Variants in ACTRT2 observed in about 807,000 individuals in gnomAD.
ACTRT2 encodes the protein actin related protein T2.
Under a neutral mutation model 1.2 loss-of-function variants are expected in ACTRT2, and 1 was observed. The observed-to-expected ratio is 0.80, with a 90% confidence interval of 0.29 to 3.81. The LOEUF (loss-of-function observed/expected upper bound fraction) is 3.81, where lower values mean the gene tolerates loss of function less well. Ranked by LOEUF, ACTRT2 falls within the 30% of genes most tolerant of loss-of-function variation. The pLI, the probability that ACTRT2 is intolerant of heterozygous loss-of-function variation, is 0.18. For synonymous variants in ACTRT2, 262 were observed against 228.9 expected, an observed-to-expected ratio of 1.14 and a Z score of -1.30; for missense variants, 488 against 497.9, an observed-to-expected ratio of 0.98 and a Z score of 0.19.
In ACTRT2 at chr1:3,021,615, C is replaced by T. The variant is rs1218305982; in HGVS notation, c.-72C>T. The T allele has an allele frequency of 2.6e-6, 4 of 1,540,578 alleles. No homozygotes were observed. The East Asian group carries it at 6.8e-5, about 26-fold the overall frequency. ...GCTGTGGGAAGAGCTGTGGGATCCCCTATTGCATCACAAAGCGGCCCTGGA... is the reference window on the plus strand; with the variant it reads ...GCTGTGGGAAGAGCTGTGGGATCCCTTATTGCATCACAAAGCGGCCCTGGA... On this transcript the variant is annotated 5_prime_UTR_variant, in exon 1 of 1. Transcript: ENST00000378404.
In ACTRT2 at chr1:3,021,748, G is replaced by C; in HGVS notation, c.62G>C (p.Cys21Ser). ...ATTTTTGACAATGGCTCGGGGTTCT[G>C]CAAAGCGGGCCTGTCTGGGGAGTTT... ...AVIFDNGSGFCKAGLSGEFGP... is the reference protein window; with the variant it reads ...AVIFDNGSGFSKAGLSGEFGP... Residue 21 changes from cysteine (C) to serine (S), a missense_variant, in exon 1 of 1, where the codon TGC (cysteine) becomes TCC (serine). Coordinates refer to ENST00000378404, the MANE Select transcript of ACTRT2 (RefSeq NM_080431.5). 2 of 1,613,836 alleles carry C rather than the reference G, an allele frequency of 1.2e-6. No homozygotes were observed. Among genetic ancestry groups the C allele is most frequent in the South Asian group, 1.1e-5 (1 of 91,086 alleles).
At position 3,021,686 on chromosome 1, in the gene ACTRT2, C is replaced by A. The variant is rs763314084; in HGVS notation, c.-1C>A. ...GAGGCTGAGAAGGGAAGGCTGCGGG[C>A]ATGTTTAATCCGCACGCTTTAGACT... On this transcript the variant is annotated 5_prime_UTR_variant, in exon 1 of 1. Coordinates refer to ENST00000378404, the MANE Select transcript of ACTRT2 (RefSeq NM_080431.5). 3.1e-6 allele frequency: 5 copies of A among 1,607,614 alleles called. No homozygotes were observed. Among genetic ancestry groups the A allele is most frequent in the Non-Finnish European group, 4.3e-6 (5 of 1,176,264 alleles).
chr1:3,022,697 G>C lies in ACTRT2; in HGVS notation c.1011G>C (p.Arg337=). ...TCAAGATCACGGCTCCCCCCGACCG[G>C]TGGTTCTCCACCTGGATTGGAGCCT... ...TPIKITAPPD[R]WFSTWIGASI... is the part of the protein sequence containing the mutation. Residue 337 remains arginine (R), a synonymous_variant, in exon 1 of 1, where the codon CGG becomes CGC. Transcript: ENST00000378404. The surrounding 1 kb of genome is among the most constrained non-coding windows in gnomAD (Gnocchi z 7.7). 2 of 1,613,416 alleles carry C rather than the reference G, an allele frequency of 1.2e-6. No individual in the cohort carries two copies. Among genetic ancestry groups the C allele is most frequent in the East Asian group, 2.2e-5 (1 of 44,840 alleles).
In ACTRT2 at chr1:3,022,346, G is replaced by A; in HGVS notation, c.660G>A (p.Leu220=). Residue 220 remains leucine (L), a synonymous_variant, in exon 1 of 1, where the codon CTG becomes CTA. Transcript: ENST00000378404. The surrounding 1 kb of genome is among the most constrained non-coding windows in gnomAD (Gnocchi z 7.7). ...KGLVDDIKKK[L]CYVALEPEKE... ...TCGTGGACGACATCAAAAAGAAGCT[G>A]TGCTACGTGGCCTTGGAGCCCGAGA... is the stretch of plus-strand genomic sequence containing the variant. 6.2e-7 allele frequency: 1 copy of A among 1,612,936 alleles called. No individual in the cohort carries two copies. The highest frequency in any genetic ancestry group is 8.5e-7 in the Non-Finnish European group (1 of 1,180,032).
chr1:3,021,729 G>T lies in ACTRT2; in HGVS notation c.43G>T (p.Asp15Tyr), dbSNP rs778981094. Residue 15 changes from aspartate to tyrosine, a missense_variant, in exon 1 of 1, where the codon GAC (aspartate) becomes TAC (tyrosine). Transcript: ENST00000378404. ...HALDSPAVIF[D>Y]NGSGFCKAGL... is the part of the protein sequence containing the mutation. ...TTTAGACTCCCCGGCTGTGATTTTT[G>T]ACAATGGCTCGGGGTTCTGCAAAGC... 2.3e-5 allele frequency: 37 copies of T among 1,613,702 alleles called. 1 individual carries two copies. Among genetic ancestry groups the T allele is most frequent in the African/African-American group, 2.7e-5 (2 of 74,886 alleles).
chr1:3,021,822 G>C lies in ACTRT2; in HGVS notation c.136G>C (p.Ala46Pro), dbSNP rs1641077655. 1.2e-6 allele frequency: 2 copies of C among 1,612,900 alleles called. No individual in the cohort carries two copies. Among genetic ancestry groups the C allele is most frequent in the Non-Finnish European group, 1.7e-6 (2 of 1,179,842 alleles). ...SSIVGHLKFQ[A>P]PSAEANQKKY... is the part of the protein sequence containing the mutation. ...CATCGTGGGGCACCTGAAATTCCAG[G>C]CTCCCTCAGCAGAGGCCAACCAGAA... Residue 46 changes from alanine (A) to proline (P), a missense_variant, in exon 1 of 1, where the codon GCT becomes CCT. Transcript: ENST00000378404.
rs753043803 is a variant in ACTRT2 at position 3,022,699 on chromosome 1, G to T, written c.1013G>T (p.Trp338Leu). Reference protein sequence around the residue: ...PIKITAPPDRWFSTWIGASIV... With the variant: ...PIKITAPPDRLFSTWIGASIV... ...AAGATCACGGCTCCCCCCGACCGGT[G>T]GTTCTCCACCTGGATTGGAGCCTCC... The change falls in exon 1 of 1, where the codon TGG becomes TTG. Residue 338 changes from tryptophan (W) to leucine (L), a missense_variant. Transcript: ENST00000378404. This position sits in a 1 kb window ranked among gnomAD's most constrained non-coding sequence, Gnocchi z 7.7. 1.9e-6 allele frequency: 3 copies of T among 1,613,382 alleles called. No individual in the cohort carries two copies. Among genetic ancestry groups the T allele is most frequent in the Non-Finnish European group, 2.5e-6 (3 of 1,180,022 alleles).
At position 3,021,585 on chromosome 1, in the gene ACTRT2, C is replaced by T. The variant is rs896936938; in HGVS notation, c.-102C>T. On this transcript the variant is annotated 5_prime_UTR_variant, in exon 1 of 1. Transcript: ENST00000378404. ...GTGCTAGCCCTGCCTTGAGACACCC[C>T]GAGAGCTGTGGGAAGAGCTGTGGGA... The T allele has an allele frequency of 2.7e-6, 4 of 1,477,836 alleles. No homozygotes were observed. The highest frequency in any genetic ancestry group is 2.1e-5 in the Admixed American group (1 of 47,164). The allele number at this position is 1,477,836 out of a possible 1,614,324, so 91.5% of individuals were successfully genotyped here. A position where few individuals can be genotyped will look rare whatever the true frequency, so the allele number is the denominator to read the frequency against.
At position 3,022,442 on chromosome 1, in the gene ACTRT2, C is replaced by G. The variant is rs201701417; in HGVS notation, c.756C>G (p.Leu252=). ...TGCCCGACGGGAACATCATCAGCCT[C>G]GGGGACCCGCTGCACCAGGCGCCCG... ...YKLPDGNIIS[L]GDPLHQAPEA... The change falls in exon 1 of 1, where the codon CTC becomes CTG. Residue 252 remains leucine, a synonymous_variant. Transcript: ENST00000378404. The surrounding 1 kb of genome is among the most constrained non-coding windows in gnomAD (Gnocchi z 7.7). The G allele has an allele frequency of 1.2e-6, 2 of 1,612,768 alleles. No individual in the cohort carries two copies. Among genetic ancestry groups the G allele is most frequent in the Non-Finnish European group, 1.7e-6 (2 of 1,180,032 alleles).
rs768291220 is a variant in ACTRT2 at position 3,022,089 on chromosome 1, G to T, written c.403G>T (p.Ala135Ser). Residue 135 changes from alanine to serine, a missense_variant, in exon 1 of 1, where the codon GCT (alanine) becomes TCT (serine). Transcript: ENST00000378404. The surrounding 1 kb of genome is among the most constrained non-coding windows in gnomAD (Gnocchi z 7.7). Reference sequence around the variant, plus strand: ...CATGTTCGAGAACTTCGGCGTGCCCGCTTTCTACCTGTCGGACCAGGCGGT... The same window carrying T: ...CATGTTCGAGAACTTCGGCGTGCCCTCTTTCTACCTGTCGGACCAGGCGGT... Reference protein sequence around the residue: ...EVMFENFGVPAFYLSDQAVLA... With the variant: ...EVMFENFGVPSFYLSDQAVLA... 2.4e-5 allele frequency: 39 copies of T among 1,613,306 alleles called. No homozygotes were observed. Among genetic ancestry groups the T allele is most frequent in the Non-Finnish European group, 2.5e-5 (29 of 1,180,034 alleles).
Position 3,022,117 on chromosome 1 carries a change from T to C in ACTRT2, c.431T>C (p.Leu144Pro), listed in dbSNP as rs758215506. ...PAFYLSDQAV[L>P]ALYASACVTG... ...TTCTACCTGTCGGACCAGGCGGTGCTGGCTCTCTACGCCTCTGCCTGTGTC... is the reference window on the plus strand; with the variant it reads ...TTCTACCTGTCGGACCAGGCGGTGCCGGCTCTCTACGCCTCTGCCTGTGTC... Residue 144 changes from leucine (L) to proline (P), a missense_variant, in exon 1 of 1, where the codon CTG (leucine) becomes CCG (proline). By Grantham distance (98) the Leu-to-Pro change is moderately conservative. Transcript: ENST00000378404. The surrounding 1 kb of genome is among the most constrained non-coding windows in gnomAD (Gnocchi z 7.7). 6.2e-7 allele frequency: 1 copy of C among 1,613,292 alleles called. No individual in the cohort carries two copies. The highest frequency in any genetic ancestry group is 8.5e-7 in the Non-Finnish European group (1 of 1,180,032).
rs1641084680 is a variant in ACTRT2 at position 3,022,177 on chromosome 1, C to T, written c.491C>T (p.Thr164Ile). Residue 164 changes from threonine (T) to isoleucine (I), a missense_variant, in exon 1 of 1, where the codon ACC (threonine) becomes ATC (isoleucine). Coordinates refer to ENST00000378404, the MANE Select transcript of ACTRT2 (RefSeq NM_080431.5). This position sits in a 1 kb window ranked among gnomAD's most constrained non-coding sequence, Gnocchi z 7.7. ...GTGGTGGACAGCGGGGATGCGGTCA[C>T]CTGCACTGTCCCCATCTTTGAGGGT... ...GLVVDSGDAV[T>I]CTVPIFEGYS... 2 of 1,613,124 alleles carry T rather than the reference C, an allele frequency of 1.2e-6. No individual in the cohort carries two copies. The highest frequency in any genetic ancestry group is 2.7e-5 in the African/African-American group (2 of 75,050).
Position 3,021,746 on chromosome 1 carries a change from C to T in ACTRT2, c.60C>T (p.Phe20=), listed in dbSNP as rs775706529. 6.2e-7 allele frequency: 1 copy of T among 1,613,870 alleles called. No individual in the cohort carries two copies. The highest frequency in any genetic ancestry group is 8.5e-7 in the Non-Finnish European group (1 of 1,180,032). The stretch of plus-strand genomic sequence containing the variant: ...TGATTTTTGACAATGGCTCGGGGTT[C>T]TGCAAAGCGGGCCTGTCTGGGGAGT... ...PAVIFDNGSG[F]CKAGLSGEFG... The change falls in exon 1 of 1, where the codon TTC becomes TTT. Residue 20 remains phenylalanine, a synonymous_variant. Coordinates refer to ENST00000378404, the MANE Select transcript of ACTRT2 (RefSeq NM_080431.5).
Position 3,022,397 on chromosome 1 carries a change from G to A in ACTRT2, c.711G>A (p.Glu237=). Residue 237 remains glutamate (E), a synonymous_variant, in exon 1 of 1, where the codon GAG becomes GAA. Transcript: ENST00000378404. The surrounding 1 kb of genome is among the most constrained non-coding windows in gnomAD (Gnocchi z 7.7). Reference sequence around the variant, plus strand: ...AGGAGCTTTCCCGGAGGCCGGAGGAGGTCCTGAGGGAGTACAAGCTGCCCG... The same window carrying A: ...AGGAGCTTTCCCGGAGGCCGGAGGAAGTCCTGAGGGAGTACAAGCTGCCCG... ...PEKELSRRPE[E]VLREYKLPDG... The A allele has an allele frequency of 6.2e-7, 1 of 1,612,940 alleles. No homozygotes were observed. The highest frequency in any genetic ancestry group is 1.7e-4 in the Middle Eastern group (1 of 6,060).
chr1:3,022,688 C>A lies in ACTRT2; in HGVS notation c.1002C>A (p.Pro334=). 1.9e-6 allele frequency: 3 copies of A among 1,613,450 alleles called. No individual in the cohort carries two copies. The highest frequency in any genetic ancestry group is 2.5e-6 in the Non-Finnish European group (3 of 1,180,022). The change falls in exon 1 of 1, where the codon CCC becomes CCA. Residue 334 remains proline, a synonymous_variant. Coordinates refer to ENST00000378404, the MANE Select transcript of ACTRT2 (RefSeq NM_080431.5). The surrounding 1 kb of genome is among the most constrained non-coding windows in gnomAD (Gnocchi z 7.7). ...SKDTPIKITA[P]PDRWFSTWIG... ...ACACCCCCATCAAGATCACGGCTCC[C>A]CCCGACCGGTGGTTCTCCACCTGGA...
rs753937591 is a variant in ACTRT2, at chr1:3,021,878, C to T, written c.192C>T (p.Tyr64=). ...ACTTTGTGGGGGAGGAGGCCCTGTA[C>T]AAGCAGGAGGCCCTGCAGCTGCACT... ...KKYFVGEEAL[Y]KQEALQLHSP... is the part of the protein sequence containing the mutation. Residue 64 remains tyrosine (Y), a synonymous_variant, in exon 1 of 1, where the codon TAC becomes TAT. Transcript: ENST00000378404. 6.2e-6 allele frequency: 10 copies of T among 1,613,320 alleles called. No homozygotes were observed. The East Asian group carries it at 1.3e-4, about 22-fold the overall frequency.
In ACTRT2 at chr1:3,021,500, GC is replaced by G. The variant is rs1422590647; in HGVS notation, c.-184del. On this transcript the variant is annotated 5_prime_UTR_variant, in exon 1 of 1. Transcript: ENST00000378404. ...GGCCCCCTGGAAGAGGCCTCAGCAG[GC>G]CCAGGCCACCTGGAGGGAGAGCAGA... is the stretch of plus-strand genomic sequence containing the variant. 7.8e-6 allele frequency: 6 copies of G among 764,866 alleles called. No individual in the cohort carries two copies. Among genetic ancestry groups the G allele is most frequent in the African/African-American group, 1.8e-5 (1 of 56,794 alleles). 47.4% of individuals were successfully genotyped at this position (764,866 alleles called of 1,614,324 possible). A position where few individuals can be genotyped will look rare whatever the true frequency, so the allele number is the denominator to read the frequency against.
rs1022635266 is a variant in ACTRT2 at position 3,022,589 on chromosome 1, G to T, written c.903G>T (p.Leu301=). The T allele has an allele frequency of 1.9e-6, 3 of 1,613,082 alleles. No homozygotes were observed. The Admixed American group carries it at 5.0e-5, about 27-fold the overall frequency. The change falls in exon 1 of 1, where the codon CTG becomes CTT. Residue 301 remains leucine, a synonymous_variant. Transcript: ENST00000378404. The surrounding 1 kb of genome is among the most constrained non-coding windows in gnomAD (Gnocchi z 7.7). ...IQKILFGEIV[L]SGGTTLFHGL... ...AGATCCTCTTTGGGGAGATTGTGCT[G>T]TCGGGGGGCACTACCCTGTTCCACG...
rs747926980 is a variant in ACTRT2, at chr1:3,022,091, T to C, written c.405T>C (p.Ala135=). The C allele has an allele frequency of 1.2e-6, 2 of 1,613,302 alleles. No homozygotes were observed. Among genetic ancestry groups the C allele is most frequent in the South Asian group, 2.2e-5 (2 of 91,092 alleles). The change falls in exon 1 of 1, where the codon GCT becomes GCC. Residue 135 remains alanine (A), a synonymous_variant. Coordinates refer to ENST00000378404, the MANE Select transcript of ACTRT2 (RefSeq NM_080431.5). This position sits in a 1 kb window ranked among gnomAD's most constrained non-coding sequence, Gnocchi z 7.7. Reference sequence around the variant, plus strand: ...TGTTCGAGAACTTCGGCGTGCCCGCTTTCTACCTGTCGGACCAGGCGGTGC... The same window carrying C: ...TGTTCGAGAACTTCGGCGTGCCCGCCTTCTACCTGTCGGACCAGGCGGTGC... ...EVMFENFGVP[A]FYLSDQAVLA...
Sources: gnomAD v4.1 joint callset for allele counts on GRCh38, gnomAD v4.1.1 for gene constraint, Gnocchi (gnomAD v3.1) non-coding constraint, MANE v1.5 for transcripts, NCBI Gene and HGNC (gene_info 2026-07-23, HGNC 2026-07-21) for gene names.